Variants in BBOX1 observed in about 807,000 individuals in gnomAD.
BBOX1 encodes gamma-butyrobetaine hydroxylase 1.
BBOX1 carries 35 observed loss-of-function variants against 41.6 expected under a neutral mutation model. The observed-to-expected ratio is 0.84, with a 90% CI of 0.64 to 1.11. The LOEUF is 1.11. Ranked by LOEUF, BBOX1 falls within the 50% of genes most tolerant of loss-of-function variation. BBOX1 has a pLI of 0.00. For missense variants in BBOX1, 458 were observed against 460.6 expected (o/e 0.99, Z 0.05); for synonymous variants, 163 against 154.7 (o/e 1.05, Z -0.40).
intron 2 of BBOX1, among the ~76,000 whole-genome samples, chr11:27,053,408 A>G (rs184131262): frequency 2.7e-4 from 41 of 152,360 alleles, no homozygotes; most frequent in African/African-American, 8.9e-4. Flanking sequence ...TGAACTAAGA[A>G]TAGTTGATAC....
chr11:27,118,893 A>G (rs1325738770), intron 6 of BBOX1, among the ~76,000 whole-genome samples: 1 of 149,986 alleles, frequency 6.7e-6, no homozygotes, highest in Non-Finnish European at 1.5e-5. Context: ...AAGTTATGCT[A>G]TTGTTTTGCT....
chr11:27,083,288 A>G (rs988345714), intron 4 of BBOX1, among the ~76,000 whole-genome samples: 9 of 152,102 alleles, frequency 5.9e-5, no homozygotes, highest in Non-Finnish European at 1.2e-4. Context: ...GGGAGGAAGG[A>G]AAGGAGCAAT....
intron 2 of BBOX1, among the ~76,000 whole-genome samples, chr11:27,044,266 C>A (rs1851429547): frequency 6.6e-6 from 1 of 152,064 alleles, no homozygotes; most frequent in African/African-American, 2.4e-5. Flanking sequence ...CTGTTCATAT[C>A]TTTTGCCCAT....
intron 7 of BBOX1, among the ~76,000 whole-genome samples, chr11:27,120,229 AG>A (rs1859416061): frequency 6.6e-6 from 1 of 152,096 alleles, no homozygotes; most frequent in African/African-American, 2.4e-5. Flanking sequence ...TTTTCTTCTT[AG>A]CTTTGCCATC....
At chr11:27,087,818 C>T (rs1057384733) in intron 4 of BBOX1, among the ~76,000 whole-genome samples, 1 of 151,980 alleles carries the variant, frequency 6.6e-6, no homozygotes, top group Non-Finnish European at 1.5e-5. Flanking sequence ...AAACTCCTAA[C>T]TAGAGCACTC....
At chr11:27,059,459 T>C (rs1048132088) in intron 4 of BBOX1, among the ~76,000 whole-genome samples, 1 of 152,110 alleles carries the variant, frequency 6.6e-6, no homozygotes, top group Admixed American at 6.5e-5. Flanking sequence ...CCTAGGGAAA[T>C]GCAGAGGAAA....
At chr11:27,045,461 A>G (rs1851462061) in intron 2 of BBOX1, among the ~76,000 whole-genome samples, 1 of 152,160 alleles carries the variant, frequency 6.6e-6, no homozygotes, top group Admixed American at 6.6e-5. Context: ...AACTTCCAAT[A>G]CTATGTTGAA....
chr11:27,114,078 C>T (rs892209797), intron 5 of BBOX1, among the ~76,000 whole-genome samples: 1 of 151,760 alleles, frequency 6.6e-6, no homozygotes, highest in African/African-American at 2.4e-5. Context: ...CAAGATCAAA[C>T]ACAAAAATTG....
intron 2 of BBOX1, among the ~76,000 whole-genome samples, chr11:27,051,045 G>A (rs1321252569): frequency 6.6e-6 from 1 of 151,940 alleles, no homozygotes; most frequent in East Asian, 1.9e-4. Flanking sequence ...TATCATAAAA[G>A]GATGTTGAAT....
intron 5 of BBOX1, among the ~76,000 whole-genome samples, chr11:27,109,442 C>T (rs1858978019): frequency 6.6e-6 from 1 of 151,970 alleles, no homozygotes; most frequent in African/African-American, 2.4e-5. Context: ...GAAGCCAGTA[C>T]CGTTTGAACC....
chr11:27,063,925 T>C (rs78397760), intron 4 of BBOX1, among the ~76,000 whole-genome samples: 1 of 152,134 alleles, frequency 6.6e-6, no homozygotes, highest in East Asian at 2.0e-4. Flanking sequence ...ATGGAGACTT[T>C]ATGACAGTGC....
At chr11:27,098,881 C>CAAAT (rs1858542001) in intron 5 of BBOX1, among the ~76,000 whole-genome samples, 1 of 73,202 alleles carries the variant, frequency 1.4e-5, no homozygotes, top group African/African-American at 1.4e-4. Flanking sequence ...CTCTACCAGT[C>CAAAT]TAACCTTTGA....
intron 7 of BBOX1, among the ~76,000 whole-genome samples, 193 bp from the exon 8 acceptor site, chr11:27,125,461 G>GA (rs201184146): frequency 6.6e-6 from 1 of 150,880 alleles, no homozygotes; most frequent in Non-Finnish European, 1.5e-5. Flanking sequence ...GTAAGATTTA[G>GA]AAAAAAAATC....
chr11:27,046,684 T>C (rs969857396), intron 2 of BBOX1, among the ~76,000 whole-genome samples: 1 of 152,164 alleles, frequency 6.6e-6, no homozygotes, highest in African/African-American at 2.4e-5. Flanking sequence ...ATCCCACTGA[T>C]AAAAATTCAT....
At chr11:27,076,431 T>C (rs1326598171) in intron 4 of BBOX1, among the ~76,000 whole-genome samples, 1 of 152,198 alleles carries the variant, frequency 6.6e-6, no homozygotes, top group African/African-American at 2.4e-5. Context: ...ATAGCTGAGG[T>C]AACACACACA....
chr11:27,094,895 C>A (rs571730831), intron 5 of BBOX1, among the ~76,000 whole-genome samples: 1 of 152,076 alleles, frequency 6.6e-6, no homozygotes, highest in South Asian at 2.1e-4. Flanking sequence ...GCAACAACAA[C>A]AGACAAAGGA....
intron 4 of BBOX1, among the ~76,000 whole-genome samples, chr11:27,064,616 A>C (rs1307216479): frequency 6.6e-6 from 1 of 152,194 alleles, no homozygotes; most frequent in Non-Finnish European, 1.5e-5. Context: ...ATGGTTTTAC[A>C]GTAAAAAAGG....
At chr11:27,092,554 G>A (rs1411022058) in intron 4 of BBOX1, among the ~76,000 whole-genome samples, 1 of 151,920 alleles carries the variant, frequency 6.6e-6, no homozygotes, top group African/African-American at 2.4e-5. Flanking sequence ...CTAACGGAAA[G>A]CATTTGACCT....
chr11:27,116,991 A>G (rs1202586095), intron 6 of BBOX1, among the ~76,000 whole-genome samples: 1 of 152,024 alleles, frequency 6.6e-6, no homozygotes, highest in African/African-American at 2.4e-5. Context: ...CCCCAGGAGA[A>G]TCTCTGGGTG....
Sources: gnomAD v4.1 joint callset for allele counts (sites outside exome capture counted in the v4.1 genomes callset) on GRCh38, gnomAD v4.1.1 for gene constraint, MANE v1.5 for transcripts, NCBI Gene and HGNC (gene_info 2026-07-23, HGNC 2026-07-21) for gene names.